OTUD7A: variants seen among roughly 807,000 people sequenced by gnomAD.
The protein encoded by OTUD7A is OTU deubiquitinase 7A.
A neutral mutation model predicts 65.7 loss-of-function variants in OTUD7A; 12 were observed. The observed-to-expected ratio is 0.18, with a 90% CI of 0.12 to 0.30. OTUD7A has a LOEUF of 0.30. Ranked by LOEUF, OTUD7A falls within the 10% of genes least tolerant of loss-of-function variation. The pLI is 1.00. For synonymous variants in OTUD7A, 641 were observed against 586.3 expected (o/e 1.09, Z -1.35); for missense variants, 1,148 against 1,304.8 (o/e 0.88, Z 1.85).
rs1891538259 is a variant in OTUD7A, at chr15:31,642,234, T to TA, written c.151+12861dup. Reference sequence around the variant, plus strand: ...ATTATGTTGACTGATTTTTGAATGTTAAACTAGTTTTGCATTCTTGGGATA... The same window carrying TA: ...ATTATGTTGACTGATTTTTGAATGTTAAAACTAGTTTTGCATTCTTGGGATA... On this transcript the variant is annotated intron_variant, in intron 3 of 12. Coordinates refer to ENST00000307050, the MANE Select transcript of OTUD7A (RefSeq NM_001382637.1). 1.3e-5 allele frequency among the ~76,000 whole-genome samples: 2 copies of TA among 152,262 alleles called. 1 individual carries two copies. Among genetic ancestry groups the TA allele is most frequent in the South Asian group, 4.1e-4 (2 of 4,836 alleles).
chr15:31,501,618 A>C, intron 10 of OTUD7A, 72 bp downstream of exon 10: 1 of 1,587,524 alleles, frequency 6.3e-7, no homozygotes, highest in Non-Finnish European at 8.6e-7. Flanking sequence ...CTCCCCGTGC[A>C]ATGGGGTCCC....
At chr15:31,829,787 G>C (rs2140982059) in intron 1 of OTUD7A, among the ~76,000 whole-genome samples, 1 of 152,316 alleles carries the variant, frequency 6.6e-6, no homozygotes, top group Admixed American at 6.5e-5. Flanking sequence ...CAGACTCACA[G>C]AGAAGGAAAA....
At chr15:31,814,409 T>C (rs1019868603) in intron 1 of OTUD7A, among the ~76,000 whole-genome samples, 1 of 152,228 alleles carries the variant, frequency 6.6e-6, no homozygotes, top group African/African-American at 2.4e-5. Context: ...ATGATGACCA[T>C]GGAGGGCTAT....
At chr15:31,652,151 G>A (rs781420195) in intron 3 of OTUD7A, among the ~76,000 whole-genome samples, 13 of 152,266 alleles carry the variant, frequency 8.5e-5, no homozygotes, top group Non-Finnish European at 1.8e-4. Flanking sequence ...ATGATCAATG[G>A]AACAGAACCA....
intron 1 of OTUD7A, among the ~76,000 whole-genome samples, chr15:31,712,230 AG>A (rs1893464553): frequency 6.7e-6 from 1 of 149,400 alleles, no homozygotes; most frequent in Admixed American, 6.6e-5. Flanking sequence ...AGAATTCCAA[AG>A]GGTCCTTCCT....
chr15:31,740,969 T>C (rs1212993573), intron 1 of OTUD7A, among the ~76,000 whole-genome samples: 3 of 152,180 alleles, frequency 2.0e-5, no homozygotes, highest in Admixed American at 6.5e-5. Context: ...ATGACAAAAG[T>C]AGGACACAGA....
In OTUD7A at chr15:31,846,681, A is replaced by G. The variant is rs1005575137; in HGVS notation, c.-100+23826T>C. On this transcript the variant is annotated intron_variant, in intron 1 of 12. Transcript: ENST00000307050. ...CACCGCACATTCAACACAGTGTCAC[A>G]TGGCCACTGAAACCTCGGTTTAAGA... Among the ~76,000 whole-genome samples, 205 of 152,276 alleles carry G rather than the reference A, an allele frequency of 1.3e-3. 1 individual carries two copies. The highest frequency in any genetic ancestry group is 4.1e-3 in the African/African-American group (172 of 41,570).
intron 1 of OTUD7A, among the ~76,000 whole-genome samples, chr15:31,662,414 G>A (rs577168407): frequency 2.7e-4 from 41 of 152,150 alleles, no homozygotes; most frequent in Non-Finnish European, 4.9e-4. Context: ...TTTTGCATTC[G>A]TCGATTTAAA....
chr15:31,511,893 A>ACC (rs748411479), intron 8 of OTUD7A, among the ~76,000 whole-genome samples: 1 of 151,224 alleles, frequency 6.6e-6, no homozygotes, highest in Non-Finnish European at 1.5e-5. Flanking sequence ...TTGAGGCTTA[A>ACC]CCCCCCCGCC....
intron 1 of OTUD7A, among the ~76,000 whole-genome samples, chr15:31,788,762 T>C (rs772093577): frequency 1.3e-5 from 2 of 152,154 alleles, no homozygotes; most frequent in African/African-American, 2.4e-5. Flanking sequence ...ACAGAGACAT[T>C]GAGAAAGGTA....
chr15:31,860,681 A>ATATATATATATATATATATATATC (rs1897710495), intron 1 of OTUD7A, among the ~76,000 whole-genome samples: 1 of 108,878 alleles, frequency 9.2e-6, no homozygotes, highest in African/African-American at 3.2e-5. Context: ...ATGTGTGTAT[A>ATATATATATATATATATATATATC]TATATATATA....
intron 8 of OTUD7A, among the ~76,000 whole-genome samples, chr15:31,525,632 T>G (rs575999451): frequency 1.6e-4 from 24 of 152,362 alleles, no homozygotes; most frequent in Admixed American, 1.3e-3. Context: ...CTTTCTCATG[T>G]TTGGCTGAGA....
chr15:31,559,159 G>A lies in OTUD7A; in HGVS notation c.360C>T (p.His120=), dbSNP rs368694602. 74 of 1,613,784 alleles carry A rather than the reference G, an allele frequency of 4.6e-5. No individual in the cohort carries two copies. Among genetic ancestry groups the A allele is most frequent in the South Asian group, 3.8e-4 (35 of 91,072 alleles). The change falls in exon 5 of 13, where the codon CAC becomes CAT. Residue 120 remains histidine, a synonymous_variant. Coordinates refer to ENST00000307050, the MANE Select transcript of OTUD7A (RefSeq NM_001382637.1). ...CCAGGGAGACGATGGCTGAGCTGGCGTGGGAAATCCCCCGGGAAAGCCGCT... is the reference window on the plus strand; with the variant it reads ...CCAGGGAGACGATGGCTGAGCTGGCATGGGAAATCCCCCGGGAAAGCCGCT... ...QEKRLSRGIS[H]ASSAIVSLAR...
At chr15:31,623,973 G>T (rs1224128400) in intron 3 of OTUD7A, among the ~76,000 whole-genome samples, 1 of 152,174 alleles carries the variant, frequency 6.6e-6, no homozygotes, top group Non-Finnish European at 1.5e-5. Flanking sequence ...TCATTAAGTT[G>T]TACAGTTATG....
chr15:31,703,409 C>CA (rs1016361984), intron 1 of OTUD7A, among the ~76,000 whole-genome samples: 60 of 151,128 alleles, frequency 4.0e-4, no homozygotes, highest in East Asian at 9.8e-4. Flanking sequence ...AGAAAATTGG[C>CA]AAAAAAACCA....
intron 10 of OTUD7A, among the ~76,000 whole-genome samples, chr15:31,492,429 A>T (rs897924019): frequency 5.3e-5 from 8 of 151,998 alleles, no homozygotes; most frequent in Non-Finnish European, 1.2e-4. Flanking sequence ...AAATACAAAA[A>T]TTAGCTGGGC....
chr15:31,664,134 C>T (rs971511733), intron 1 of OTUD7A, among the ~76,000 whole-genome samples: 31 of 152,160 alleles, frequency 2.0e-4, no homozygotes, highest in African/African-American at 6.3e-4. Flanking sequence ...TACAAACATG[C>T]GTGTGCAAGT....
intron 3 of OTUD7A, among the ~76,000 whole-genome samples, chr15:31,645,432 T>C (rs1376064776): frequency 3.9e-5 from 6 of 152,204 alleles, no homozygotes; most frequent in Non-Finnish European, 8.8e-5. Flanking sequence ...TAAACCTGTT[T>C]GCATCTACTA....
intron 4 of OTUD7A, 79 bp from the exon 5 acceptor site, chr15:31,559,266 A>G (rs1888603796): frequency 1.5e-6 from 2 of 1,310,232 alleles, no homozygotes; most frequent in Non-Finnish European, 2.1e-6. Context: ...CACACATACT[A>G]TGCACACACA....
Sources: gnomAD v4.1 joint callset for allele counts (sites outside exome capture counted in the v4.1 genomes callset) on GRCh38, gnomAD v4.1.1 for gene constraint, MANE v1.5 for transcripts, NCBI Gene and HGNC (gene_info 2026-07-23, HGNC 2026-07-21) for gene names.